The following TNRC18 variants were observed in gnomAD, a reference collection of about 807,000 sequenced individuals.
The protein encoded by TNRC18 is trinucleotide repeat containing 18.
A neutral mutation model predicts 226.7 loss-of-function variants in TNRC18; 69 were observed. The observed-to-expected ratio is 0.30, with a 90% CI of 0.25 to 0.37. The LOEUF (loss-of-function observed/expected upper bound fraction) is 0.37, where lower values mean the gene tolerates loss of function less well. Among genes scored for constraint, TNRC18 ranks in the 10% least tolerant of loss-of-function variants. The pLI is 1.00. For missense variants in TNRC18, 4,754 were observed against 4,256.6 expected, an observed-to-expected ratio of 1.12 and a Z score of -3.25; for synonymous variants, 2,449 against 1,927.6, an observed-to-expected ratio of 1.27 and a Z score of -7.09.
chr7:5,402,837 G>C (rs549847495), intron 2 of TNRC18, among the ~76,000 whole-genome samples: 2 of 150,984 alleles, frequency 1.3e-5, no homozygotes, highest in African/African-American at 4.9e-5. Context: ...CTCGGCGACA[G>C]AGTGAGACTC....
chr7:5,349,900 G>T (rs983706485), intron 17 of TNRC18, among the ~76,000 whole-genome samples: 2 of 152,150 alleles, frequency 1.3e-5, no homozygotes, highest in African/African-American at 2.4e-5. Flanking sequence ...GTGGAGGGGG[G>T]CACTGAGGAG....
At position 5,308,049 on chromosome 7, in the gene TNRC18, T is replaced by C. The variant is rs1415264918; in HGVS notation, c.*57A>G. ...CGTGGTCTCCGCGCCATGGCAGTGA[T>C]GGAGATGGGTCCCTGGCCGCCCTCG... is the stretch of plus-strand genomic sequence containing the variant. On this transcript the variant is annotated 3_prime_UTR_variant, in exon 30 of 30. Transcript: ENST00000430969. 3 of 1,478,680 alleles carry C rather than the reference T, an allele frequency of 2.0e-6. No homozygotes were observed. The African/African-American group carries it at 4.2e-5, about 21-fold the overall frequency. 91.6% of individuals were successfully genotyped at this position (1,478,680 alleles called of 1,614,324 possible).
chr7:5,390,462 C>T lies in TNRC18; in HGVS notation c.487+23G>A, dbSNP rs764173311. On this transcript the variant is annotated intron_variant, in intron 4 of 29. Transcript: ENST00000430969. Reference sequence around the variant, plus strand: ...CTCTCAGAAGGCCCCTGTGCCACCCCCAACCCCGGACTCCAGTCTTACCTC... The same window carrying T: ...CTCTCAGAAGGCCCCTGTGCCACCCTCAACCCCGGACTCCAGTCTTACCTC... 6.6e-5 allele frequency: 107 copies of T among 1,613,248 alleles called. No individual in the cohort carries two copies. The South Asian group carries it at 1.0e-3, about 16-fold the overall frequency.
intron 21 of TNRC18, among the ~76,000 whole-genome samples, chr7:5,322,569 G>C (rs920618322): frequency 5.3e-5 from 8 of 152,206 alleles, no homozygotes; most frequent in African/African-American, 1.9e-4. Context: ...TGGGATTACA[G>C]GTGCATGTGA....
At chr7:5,337,990 A>T (rs1364136342) in intron 18 of TNRC18, among the ~76,000 whole-genome samples, 1 of 152,180 alleles carries the variant, frequency 6.6e-6, no homozygotes, top group Admixed American at 6.6e-5. Flanking sequence ...CTCAAAAAAC[A>T]AAACAAAACA....
chr7:5,345,871 C>A, intron 17 of TNRC18, 61 bp from the exon 18 acceptor site: 1 of 1,492,582 alleles, frequency 6.7e-7, no homozygotes, highest in Admixed American at 2.1e-5. Context: ...CCACCCCCCA[C>A]CGCCCCCTGG....
intron 1 of TNRC18, among the ~76,000 whole-genome samples, chr7:5,421,786 C>A (rs1206178530): frequency 6.6e-6 from 1 of 152,214 alleles, no homozygotes; most frequent in East Asian, 1.9e-4. Context: ...CTCCCGAAAC[C>A]GGGGAGGGCT....
At chr7:5,339,665 G>T (rs1399144061) in intron 18 of TNRC18, among the ~76,000 whole-genome samples, 1 of 151,762 alleles carries the variant, frequency 6.6e-6, no homozygotes. Flanking sequence ...TGCCTCCCAG[G>T]TTCAAGCGAT....
intron 2 of TNRC18, among the ~76,000 whole-genome samples, chr7:5,395,064 C>T (rs920005512): frequency 1.3e-5 from 2 of 152,168 alleles, no homozygotes; most frequent in African/African-American, 4.8e-5. Flanking sequence ...GGACACCCAC[C>T]CTCCAGCCAG....
In TNRC18 at chr7:5,324,253, G is replaced by C. The variant is rs1728264601; in HGVS notation, c.6403C>G (p.Leu2135Val). Residue 2135 changes from leucine to valine, a missense_variant, in exon 21 of 30, where the codon CTG becomes GTG. Transcript: ENST00000430969. The surrounding 1 kb of genome is among the most constrained non-coding windows in gnomAD (Gnocchi z 4.8). ...CGCTCCACAGCCCCGCCACGCGGCA[G>C]GTGCTCGTCCTCAGAGAAGCTCGAG... Reference protein sequence around the residue: ...QDSSFSEDEHLPRGGAVERPL... With the variant: ...QDSSFSEDEHVPRGGAVERPL... The C allele has an allele frequency of 6.2e-7, 1 of 1,612,146 alleles. No individual in the cohort carries two copies. The highest frequency in any genetic ancestry group is 1.3e-5 in the African/African-American group (1 of 75,040).
At position 5,345,823 on chromosome 7, in the gene TNRC18, A is replaced by G. The variant is rs1417456881; in HGVS notation, c.5471-13T>C. ...TCCGAGCTCTCATCTGGCGTGCAGA[A>G]AACAGGGACCGAGTCAGAGCCTTGG... On this transcript the variant is annotated splice_polypyrimidine_tract_variant and intron_variant, in intron 17 of 29. Transcript: ENST00000430969. 1.3e-6 allele frequency: 2 copies of G among 1,537,792 alleles called. No homozygotes were observed. The highest frequency in any genetic ancestry group is 1.7e-6 in the Non-Finnish European group (2 of 1,145,106).
intron 2 of TNRC18, among the ~76,000 whole-genome samples, chr7:5,401,490 C>A (rs1781088758): frequency 6.6e-6 from 1 of 152,158 alleles, no homozygotes; most frequent in Non-Finnish European, 1.5e-5. Flanking sequence ...ACTTACCCTG[C>A]CACGCCCTTT....
At chr7:5,327,379 G>GTT (rs886479311) in intron 19 of TNRC18, among the ~76,000 whole-genome samples, 1 of 94,186 alleles carries the variant, frequency 1.1e-5, no homozygotes, top group Admixed American at 1.2e-4. Context: ...GTGCGTGTGT[G>GTT]TGTGTGTGTG....
In TNRC18 at chr7:5,374,453, G is replaced by A. The variant is rs946701635; in HGVS notation, c.2831C>T (p.Ala944Val). The A allele has an allele frequency of 2.7e-5, 41 of 1,546,022 alleles. No homozygotes were observed. The highest frequency in any genetic ancestry group is 3.3e-5 in the Non-Finnish European group (38 of 1,145,330). The change falls in exon 10 of 30, where the codon GCG becomes GTG. Residue 944 changes from alanine to valine, a missense_variant. By Grantham distance (64) the Ala-to-Val change is moderately conservative (BLOSUM62 0). Coordinates refer to ENST00000430969, the MANE Select transcript of TNRC18 (RefSeq NM_001080495.3). ...QERLKAQEHR[A>V]EMEEKGSKRG... ...CTTGCTCCCCTTCTCTTCCATCTCC[G>A]CCCGGTGCTCCTGCGCCTTCAACCG...
intron 19 of TNRC18, among the ~76,000 whole-genome samples, chr7:5,331,714 A>G (rs1789540669): frequency 6.6e-6 from 1 of 152,288 alleles, no homozygotes; most frequent in Non-Finnish European, 1.5e-5. Flanking sequence ...GTTTGAGACC[A>G]GCCTGGGCAA....
At chr7:5,392,567 T>A (rs6978084) in intron 3 of TNRC18, among the ~76,000 whole-genome samples, 1 of 151,966 alleles carries the variant, frequency 6.6e-6, no homozygotes, top group South Asian at 2.1e-4. Context: ...TGAGCCAAGA[T>A]TGTGCCACTA....
rs1450113383 is a variant in TNRC18 at position 5,377,415 on chromosome 7, G to A, written c.2417C>T (p.Pro806Leu). 2 of 1,596,308 alleles carry A rather than the reference G, an allele frequency of 1.3e-6. No homozygotes were observed. Among genetic ancestry groups the A allele is most frequent in the Non-Finnish European group, 1.7e-6 (2 of 1,172,602 alleles). Reference sequence around the variant, plus strand: ...CCACATGGATGCGTTGCCCGAGCGGGGCAACCAGGGGTGCGTGGCCAGATG... The same window carrying A: ...CCACATGGATGCGTTGCCCGAGCGGAGCAACCAGGGGTGCGTGGCCAGATG... ...AAHLATHPWL[P>L]RSGNASMWLA... The change falls in exon 7 of 30, where the codon CCC (proline) becomes CTC (leucine). Residue 806 changes from proline (P) to leucine (L), a missense_variant. Pro to Leu is a moderately conservative substitution (Grantham distance 98, BLOSUM62 -3). Coordinates refer to ENST00000430969, the MANE Select transcript of TNRC18 (RefSeq NM_001080495.3). The surrounding 1 kb of genome is among the most constrained non-coding windows in gnomAD (Gnocchi z 5.8).
chr7:5,400,565 T>C (rs1781014457), intron 2 of TNRC18, among the ~76,000 whole-genome samples: 1 of 152,112 alleles, frequency 6.6e-6, no homozygotes, highest in Non-Finnish European at 1.5e-5. Flanking sequence ...TGAGCCGAGA[T>C]CACGCCACTG....
intron 18 of TNRC18, among the ~76,000 whole-genome samples, chr7:5,340,453 T>C (rs78984149): frequency 0.19 from 28,599 of 152,040 alleles, 2,841 homozygotes; most frequent in Admixed American, 0.2. Flanking sequence ...AAAGAAGCTA[T>C]CAGTTGGGCA....
Sources: gnomAD v4.1 joint callset for allele counts (sites outside exome capture counted in the v4.1 genomes callset) on GRCh38, gnomAD v4.1.1 for gene constraint, Gnocchi (gnomAD v3.1) non-coding constraint, MANE v1.5 for transcripts, NCBI Gene and HGNC (gene_info 2026-07-23, HGNC 2026-07-21) for gene names.